ALKAL2: variants seen among roughly 807,000 people sequenced by gnomAD.
ALKAL2 encodes ALK and LTK ligand 2, also known as AUG-alpha.
ALKAL2 carries 8 observed loss-of-function variants against 18.5 expected under a neutral mutation model. That is an observed-to-expected ratio of 0.43 (90% CI 0.25 to 0.78). The LOEUF (loss-of-function observed/expected upper bound fraction) is 0.78, where lower values mean the gene tolerates loss of function less well. Ranked by LOEUF, ALKAL2 falls within the 30% of genes least tolerant of loss-of-function variation. The pLI, the probability that ALKAL2 is intolerant of heterozygous loss-of-function variation, is 0.22. For synonymous variants in ALKAL2, 135 were observed against 95.8 expected, an observed-to-expected ratio of 1.41 and a Z score of -2.39; for missense variants, 241 against 211.2, an observed-to-expected ratio of 1.14 and a Z score of -0.88.
Position 280,026 on chromosome 2 carries a change from G to A in ALKAL2, c.*121C>T. The A allele has an allele frequency of 2.7e-6, 3 of 1,107,142 alleles. No homozygotes were observed. The South Asian group carries it at 3.8e-5, about 14-fold the overall frequency. 68.6% of individuals were successfully genotyped at this position (1,107,142 alleles called of 1,614,324 possible). ...CAAAACTCAAAGGACTTATGGAAGA[G>A]TCTGTCTGCAAAAATAAATCTCTTG... is the stretch of plus-strand genomic sequence containing the variant. On this transcript the variant is annotated 3_prime_UTR_variant, in exon 6 of 6. Transcript: ENST00000403610.
At chr2:284,297 CT>C (rs1670437632) in intron 4 of ALKAL2, among the ~76,000 whole-genome samples, 2 of 152,184 alleles carry the variant, frequency 1.3e-5, no homozygotes, top group East Asian at 3.8e-4. Flanking sequence ...ATCTGGGGAT[CT>C]TATTAAAATG....
At chr2:281,300 A>G (rs1670336897) in intron 5 of ALKAL2, among the ~76,000 whole-genome samples, 1 of 152,246 alleles carries the variant, frequency 6.6e-6, no homozygotes, top group Non-Finnish European at 1.5e-5. Flanking sequence ...CTTGGCCAAA[A>G]TGAACCCAGT....
At chr2:283,567 A>AAT in intron 4 of ALKAL2, 1 of 985,416 alleles carries the variant, frequency 1.0e-6, no homozygotes, top group Non-Finnish European at 1.2e-6. Context: ...TGAGTTGACC[A>AAT]TGGGACAAAG....
intron 4 of ALKAL2, among the ~76,000 whole-genome samples, chr2:284,360 G>A (rs1296341884): frequency 6.6e-6 from 1 of 152,144 alleles, no homozygotes; most frequent in Non-Finnish European, 1.5e-5. Context: ...TTCCCAACAA[G>A]CTCCCCATGG....
At chr2:284,332 A>T (rs977757661) in intron 4 of ALKAL2, among the ~76,000 whole-genome samples, 1 of 152,182 alleles carries the variant, frequency 6.6e-6, no homozygotes, top group Admixed American at 6.5e-5. Context: ...ACAAGTCTAG[A>T]TGGGACTTAG....
intron 5 of ALKAL2, 136 bp downstream of exon 5, chr2:282,975 T>C (rs1670400542): frequency 1.1e-6 from 1 of 918,758 alleles, no homozygotes; most frequent in Admixed American, 2.7e-5. Flanking sequence ...GTGAGATGAG[T>C]GTTGTGCCAT....
chr2:281,587 T>A (rs1319171274), intron 5 of ALKAL2, among the ~76,000 whole-genome samples: 1 of 152,090 alleles, frequency 6.6e-6, no homozygotes, highest in Non-Finnish European at 1.5e-5. Flanking sequence ...CATGACCACG[T>A]CCTTCAGTGT....
chr2:284,507 G>A (rs888471164), intron 4 of ALKAL2, among the ~76,000 whole-genome samples: 2 of 152,162 alleles, frequency 1.3e-5, no homozygotes, highest in Non-Finnish European at 2.9e-5. Context: ...CTAAGAAGAG[G>A]CAGAAAGCAA....
intron 5 of ALKAL2, among the ~76,000 whole-genome samples, chr2:281,368 G>A (rs867406046): frequency 5.3e-5 from 8 of 152,170 alleles, no homozygotes; most frequent in African/African-American, 1.9e-4. Context: ...AGAAGCTTGC[G>A]AGCCTGGGCC....
intron 5 of ALKAL2, among the ~76,000 whole-genome samples, chr2:281,046 C>A (rs555277951): frequency 5.0e-4 from 76 of 152,342 alleles, no homozygotes; most frequent in African/African-American, 1.8e-3. Flanking sequence ...CACCCTGGGA[C>A]ACCTGCCCTG....
chr2:285,339 A>G (rs1294677033), intron 4 of ALKAL2, among the ~76,000 whole-genome samples: 1 of 152,210 alleles, frequency 6.6e-6, no homozygotes, highest in African/African-American at 2.4e-5. Context: ...GCAAGTCCGG[A>G]ACGCTGCCTG....
chr2:280,564 C>G (rs1291381390), intron 5 of ALKAL2, among the ~76,000 whole-genome samples: 1 of 152,196 alleles, frequency 6.6e-6, no homozygotes, highest in Non-Finnish European at 1.5e-5. Context: ...GTTGGAATAT[C>G]TAAACCATTG....
chr2:286,036 G>A (rs1486850980), intron 4 of ALKAL2, 87 bp downstream of exon 4: 4 of 1,169,008 alleles, frequency 3.4e-6, no homozygotes, highest in Non-Finnish European at 3.7e-6. Flanking sequence ...AGCTAAGAAG[G>A]CAGGGGCCTA....
At chr2:287,448 TAAAAAAAA>T (rs67240058) in intron 2 of ALKAL2, 127 bp downstream of exon 2, 18 of 441,308 alleles carry the variant, frequency 4.1e-5, no homozygotes, top group African/African-American at 6.5e-5. Flanking sequence ...TTCTTTTTCT[TAAAAAAAA>T]AAAAAAAAAA....
chr2:281,718 A>G (rs779300973), intron 5 of ALKAL2, among the ~76,000 whole-genome samples: 4 of 151,998 alleles, frequency 2.6e-5, no homozygotes, highest in Non-Finnish European at 4.4e-5. Context: ...CTCACTTGTA[A>G]GTAAGTGGAA....
At chr2:287,448 TAAAAAAAAA>T (rs67240058) in intron 2 of ALKAL2, 126 bp downstream of exon 2, 20 of 441,370 alleles carry the variant, frequency 4.5e-5, no homozygotes, top group Non-Finnish European at 6.5e-5. Flanking sequence ...TTCTTTTTCT[TAAAAAAAAA>T]AAAAAAAAAA....
At chr2:283,529 C>T in intron 4 of ALKAL2, 1 of 985,448 alleles carries the variant, frequency 1.0e-6, no homozygotes, top group Admixed American at 6.1e-5. Context: ...GTGCTACTTT[C>T]AGGTCATGTG....
At chr2:285,934 G>C (rs1657990400) in intron 4 of ALKAL2, 189 bp downstream of exon 4, 21 of 565,502 alleles carry the variant, frequency 3.7e-5, no homozygotes, top group Middle Eastern at 4.6e-4. Flanking sequence ...TTTCCAGTTT[G>C]GCGTTAGCTG....
At chr2:280,817 G>T (rs567936456) in intron 5 of ALKAL2, among the ~76,000 whole-genome samples, 3 of 152,356 alleles carry the variant, frequency 2.0e-5, no homozygotes, top group South Asian at 2.1e-4. Flanking sequence ...GCTTCAGAAC[G>T]CGGCAAATGG....
Sources: allele counts gnomAD v4.1 joint callset (sites outside exome capture counted in the v4.1 genomes callset), GRCh38; gene constraint gnomAD v4.1.1; transcripts MANE v1.5; gene names NCBI Gene and HGNC (gene_info 2026-07-23, HGNC 2026-07-21).